Variants in STX2 observed in about 807,000 individuals in gnomAD.
The protein encoded by STX2 is syntaxin-2.
Under a neutral mutation model 40.6 loss-of-function variants are expected in STX2, and 27 were observed. The observed-to-expected ratio is 0.66, with a 90% CI of 0.49 to 0.92. The LOEUF (loss-of-function observed/expected upper bound fraction) is 0.92. STX2 is among the 40% of genes least tolerant of loss of function. The pLI is 0.00. For synonymous variants in STX2, 123 were observed against 119.1 expected (o/e 1.03, Z -0.22); for missense variants, 328 against 366.1 (o/e 0.90, Z 0.85).
intron 1 of STX2, among the ~76,000 whole-genome samples, chr12:130,829,690 CG>C (rs1469963623): frequency 6.6e-6 from 1 of 152,238 alleles, no homozygotes; most frequent in Non-Finnish European, 1.5e-5. Context: ...TAGCTGGGCA[CG>C]GGGTCTCACT....
At chr12:130,818,185 A>AAAAAAAAAAAAAAAATATATATAT in intron 3 of STX2, among the ~76,000 whole-genome samples, 1 of 70,588 alleles carries the variant, frequency 1.4e-5, no homozygotes. Context: ...AAAAAAAAAA[A>AAAAAAAAAAAAAAAATATATATAT]ATATATATAT....
At chr12:130,797,474 C>A (rs1296698058) in intron 9 of STX2, among the ~76,000 whole-genome samples, 2 of 151,964 alleles carry the variant, frequency 1.3e-5, no homozygotes, top group East Asian at 1.9e-4. Flanking sequence ...TGTGCCCTGG[C>A]GGCTGAGCCT....
chr12:130,805,545 C>T (rs1031913424), intron 6 of STX2, among the ~76,000 whole-genome samples: 2 of 152,216 alleles, frequency 1.3e-5, no homozygotes, highest in African/African-American at 4.8e-5. Flanking sequence ...CACTGGAGTG[C>T]TGACCAGCAT....
intron 1 of STX2, among the ~76,000 whole-genome samples, chr12:130,832,165 AT>A (rs537493246): frequency 0.015 from 2,228 of 146,666 alleles, 31 homozygotes; most frequent in African/African-American, 0.026. Context: ...CAATTTAATC[AT>A]TTTTTTTTTT....
intron 9 of STX2, among the ~76,000 whole-genome samples, chr12:130,797,413 G>C (rs889984436): frequency 1.3e-5 from 2 of 152,194 alleles, no homozygotes; most frequent in Admixed American, 1.3e-4. Flanking sequence ...ACCATGTCTG[G>C]CATTTCAGAG....
In STX2 at chr12:130,791,726, G is replaced by T. The variant is rs1360671963; in HGVS notation, c.*297C>A. 1 of 585,510 alleles carries T rather than the reference G, an allele frequency of 1.7e-6. No homozygotes were observed. The allele number at this position is 585,510 out of a possible 1,614,324, so 36.3% of individuals were successfully genotyped here. On this transcript the variant is annotated 3_prime_UTR_variant, in exon 11 of 11. Transcript: ENST00000392373. Reference sequence around the variant, plus strand: ...GCATCACACCCACTGTGCTTACGGCGCTGTCACTGAACAAGACGTTCGGTT... The same window carrying T: ...GCATCACACCCACTGTGCTTACGGCTCTGTCACTGAACAAGACGTTCGGTT...
At position 130,807,028 on chromosome 12, in the gene STX2, C is replaced by G. The variant is rs1317609733; in HGVS notation, c.417G>C (p.Leu139=). The G allele has an allele frequency of 6.2e-7, 1 of 1,614,130 alleles. No homozygotes were observed. The highest frequency in any genetic ancestry group is 8.5e-7 in the Non-Finnish European group (1 of 1,180,054). The stretch of plus-strand genomic sequence containing the variant: ...TGCGGCCTTTGCTCCGCTCCCGAAA[C>G]AGAGTCTGTGCCTCATTGTACTCCG... ...AMAEYNEAQT[L]FRERSKGRIQ... Residue 139 remains leucine, a synonymous_variant, in exon 6 of 11, where the codon CTG becomes CTC. Transcript: ENST00000392373.
rs756794046 is a variant in STX2, at chr12:130,818,170, CA to C, written c.205+3518del. On this transcript the variant is annotated intron_variant, in intron 3 of 10. Coordinates refer to ENST00000392373, the MANE Select transcript of STX2 (RefSeq NM_194356.4). Reference sequence around the variant, plus strand: ...AACACAGTGAGAAACGCTGTTTCTACAAAAAAAAAAAAAAAATATATATATA... The same window carrying C: ...AACACAGTGAGAAACGCTGTTTCTACAAAAAAAAAAAAAAATATATATATA... 9.0e-4 allele frequency among the ~76,000 whole-genome samples: 45 copies of C among 49,846 alleles called. 1 individual carries two copies. Among genetic ancestry groups the C allele is most frequent in the African/African-American group, 3.6e-3 (23 of 6,384 alleles). The allele number at this position is 49,846 out of a possible 152,430, so 32.7% of individuals were successfully genotyped here.
intron 3 of STX2, among the ~76,000 whole-genome samples, chr12:130,818,185 A>AAAATATATATATATATATATATATATAT: frequency 2.8e-5 from 2 of 70,588 alleles, no homozygotes; most frequent in Non-Finnish European, 4.6e-5. Flanking sequence ...AAAAAAAAAA[A>AAAATATATATATATATATATATATATAT]ATATATATAT....
intron 3 of STX2, among the ~76,000 whole-genome samples, chr12:130,815,013 C>T (rs991292134): frequency 3.9e-5 from 6 of 152,184 alleles, no homozygotes; most frequent in African/African-American, 1.4e-4. Flanking sequence ...GCAGGAGGAT[C>T]ACTTAAGCCT....
chr12:130,816,618 C>T (rs567027467), intron 3 of STX2, among the ~76,000 whole-genome samples: 1 of 152,216 alleles, frequency 6.6e-6, no homozygotes, highest in Non-Finnish European at 1.5e-5. Flanking sequence ...AGGGTAGACA[C>T]AATACTCTTT....
intron 10 of STX2, among the ~76,000 whole-genome samples, chr12:130,793,315 C>T (rs59946549): frequency 0.051 from 7,819 of 152,212 alleles, 626 homozygotes; most frequent in African/African-American, 0.17. Context: ...TGCGCTCCTA[C>T]GCCCCACTCT....
In STX2 at chr12:130,803,935, C is replaced by T. The variant is rs191688083; in HGVS notation, c.464-2447G>A. On this transcript the variant is annotated intron_variant, in intron 6 of 10. Coordinates refer to ENST00000392373, the MANE Select transcript of STX2 (RefSeq NM_194356.4). ...ATGGCTATTTATAATCTTAACTCCTCCCCCTTACTGTGAATACTCACATTT... is the reference window on the plus strand; with the variant it reads ...ATGGCTATTTATAATCTTAACTCCTTCCCCTTACTGTGAATACTCACATTT... 3.4e-3 allele frequency among the ~76,000 whole-genome samples: 524 copies of T among 152,294 alleles called. 2 individuals carry two copies. Among genetic ancestry groups the T allele is most frequent in the Middle Eastern group, 6.8e-3 (2 of 294 alleles).
chr12:130,793,396 G>A (rs974948564), intron 10 of STX2, among the ~76,000 whole-genome samples: 29 of 152,098 alleles, frequency 1.9e-4, no homozygotes, highest in African/African-American at 6.5e-4. Context: ...AGGGAGGCGC[G>A]CGCCCTCCCG....
chr12:130,807,098 C>T lies in STX2; in HGVS notation c.355-8G>A, dbSNP rs546189903. 6.2e-7 allele frequency: 1 copy of T among 1,613,656 alleles called. No individual in the cohort carries two copies. The highest frequency in any genetic ancestry group is 1.6e-4 in the Middle Eastern group (1 of 6,062). ...CCGAGACAGCACCGAATGCTAACAA[C>T]ACAGGAAAACTACATTCGTATCTGA... On this transcript the variant is annotated splice_region_variant and splice_polypyrimidine_tract_variant and intron_variant, in intron 5 of 10. Transcript: ENST00000392373.
intron 6 of STX2, among the ~76,000 whole-genome samples, chr12:130,805,378 G>C (rs938688784): frequency 2.0e-5 from 3 of 152,304 alleles, no homozygotes; most frequent in East Asian, 1.9e-4. Context: ...CGGAACTCTC[G>C]TGTCAGCCAC....
chr12:130,837,251 T>A (rs558276664), intron 1 of STX2, among the ~76,000 whole-genome samples: 2 of 152,050 alleles, frequency 1.3e-5, no homozygotes, highest in African/African-American at 4.8e-5. Context: ...TACCAAGGAC[T>A]ACAGGTGCGA....
intron 3 of STX2, among the ~76,000 whole-genome samples, chr12:130,815,319 C>A (rs763523162): frequency 6.6e-6 from 1 of 152,160 alleles, no homozygotes; most frequent in African/African-American, 2.4e-5. Context: ...AGGAATGGCA[C>A]CAGCCAGCAC....
At chr12:130,838,941 C>G (rs1466357535) in intron 1 of STX2, 129 bp downstream of exon 1, 8 of 1,014,968 alleles carry the variant, frequency 7.9e-6, no homozygotes, top group African/African-American at 3.4e-5. Context: ...GCAGCCCCCG[C>G]CCCAGAACGC....
Sources: gnomAD v4.1 joint callset for allele counts (sites outside exome capture counted in the v4.1 genomes callset) on GRCh38, gnomAD v4.1.1 for gene constraint, MANE v1.5 for transcripts, NCBI Gene and HGNC (gene_info 2026-07-23, HGNC 2026-07-21) for gene names.